Variants in PABIR2 observed in about 807,000 individuals in gnomAD.
PABIR2 encodes PABIR family member 2, also known as family with sequence similarity 122B.
In PABIR2, 7 loss-of-function variants were observed where a neutral mutation model predicts 22.8. That is an observed-to-expected ratio of 0.31 (90% CI 0.17 to 0.58). The LOEUF is 0.58. Among genes scored for constraint, PABIR2 ranks in the 20% least tolerant of loss-of-function variants. The pLI, the probability that PABIR2 is intolerant of heterozygous loss-of-function variation, is 0.89. For missense variants in PABIR2, 155 were observed against 205.1 expected, an observed-to-expected ratio of 0.76 and a Z score of 1.49; for synonymous variants, 67 against 73.8, an observed-to-expected ratio of 0.91 and a Z score of 0.47.
intron 8 of PABIR2, among the ~76,000 whole-genome samples, chrX:134,784,171 A>G (rs1358845828): frequency 9.1e-6 from 1 of 110,197 alleles, no homozygotes; most frequent in Non-Finnish European, 1.9e-5. Flanking sequence ...AGGAATAATG[A>G]ATAAACCTGT....
At chrX:134,790,198 T>C (rs1238889934) in intron 2 of PABIR2, among the ~76,000 whole-genome samples, 1 of 112,350 alleles carries the variant, frequency 8.9e-6, no homozygotes, top group Non-Finnish European at 1.9e-5. Flanking sequence ...AAAAACAATT[T>C]GGAAAGACAA....
At position 134,771,139 on chromosome X, in the gene PABIR2, A is replaced by G. The variant is rs2078831107; in HGVS notation, c.*1000T>C. 1 of 399,767 alleles carries G rather than the reference A, an allele frequency of 2.5e-6. No individual in the cohort carries two copies. The highest frequency in any genetic ancestry group is 2.6e-5 in the African/African-American group (1 of 38,381). 32.9% of individuals were successfully genotyped at this position (399,767 alleles called of 1,213,427 possible). On this transcript the variant is annotated 3_prime_UTR_variant, in exon 10 of 10. Coordinates refer to ENST00000343004, the MANE Select transcript of PABIR2 (RefSeq NM_001387468.1). ...GAAACAGTATGTGGCAATCATTCACATAAGGCCCCTCTTCCACCATACCTT... is the reference window on the plus strand; with the variant it reads ...GAAACAGTATGTGGCAATCATTCACGTAAGGCCCCTCTTCCACCATACCTT...
chrX:134,795,086 A>G (rs979357118), intron 1 of PABIR2, among the ~76,000 whole-genome samples: 4 of 112,309 alleles, frequency 3.6e-5, no homozygotes, highest in African/African-American at 1.3e-4. Flanking sequence ...TATAGTAACC[A>G]AAATAAATGC....
In PABIR2 at chrX:134,771,230, G is replaced by A; in HGVS notation, c.*909C>T. 3 of 1,092,247 alleles carry A rather than the reference G, an allele frequency of 2.7e-6. No homozygotes were observed. Among genetic ancestry groups the A allele is most frequent in the South Asian group, 2.2e-5 (1 of 44,779 alleles). 90.0% of individuals were successfully genotyped at this position (1,092,247 alleles called of 1,213,427 possible). On this transcript the variant is annotated 3_prime_UTR_variant, in exon 10 of 10. Coordinates refer to ENST00000343004, the MANE Select transcript of PABIR2 (RefSeq NM_001387468.1). ...CACCTGAGGCCTCATAATACCACTC[G>A]AGACACTGACAGCTCCATGGACGCT...
chrX:134,792,973 A>T (rs1191280217), intron 2 of PABIR2, among the ~76,000 whole-genome samples: 3 of 112,128 alleles, frequency 2.7e-5, no homozygotes, highest in African/African-American at 9.7e-5. Flanking sequence ...CTAATTTTTT[A>T]AAAACATCTG....
chrX:134,781,082 C>T (rs1340202004), intron 9 of PABIR2, among the ~76,000 whole-genome samples: 1 of 112,518 alleles, frequency 8.9e-6, no homozygotes, highest in Non-Finnish European at 1.9e-5. Context: ...TACCCACAGC[C>T]ACCCAGAGAC....
chrX:134,794,629 T>C (rs1346014848), intron 1 of PABIR2, among the ~76,000 whole-genome samples: 1 of 111,974 alleles, frequency 8.9e-6, no homozygotes, highest in East Asian at 2.8e-4. Flanking sequence ...TAAAGAGAAA[T>C]GTGGATGTGT....
intron 6 of PABIR2, among the ~76,000 whole-genome samples, chrX:134,788,060 TTA>T (rs2079398210): frequency 9.3e-6 from 1 of 107,903 alleles, no homozygotes; most frequent in African/African-American, 3.3e-5. Context: ...AATATACACG[TTA>T]TATATATGTA....
chrX:134,788,644 A>G (rs975322210), intron 6 of PABIR2, 86 bp downstream of exon 6: 62 of 758,142 alleles, frequency 8.2e-5, no homozygotes, highest in African/African-American at 1.3e-4. Context: ...GGCATTGGAT[A>G]CTTTAAAAGT....
intron 2 of PABIR2, 83 bp downstream of exon 2, chrX:134,793,732 T>G (rs1345913866): frequency 9.8e-7 from 1 of 1,016,884 alleles, no homozygotes; most frequent in African/African-American, 1.9e-5. Context: ...CAATTGTGCA[T>G]AGCACATCAT....
chrX:134,794,309 A>G (rs1453884422), intron 1 of PABIR2, among the ~76,000 whole-genome samples: 1 of 111,736 alleles, frequency 8.9e-6, no homozygotes. Context: ...ATTGTTCTAC[A>G]ATATGAGCTG....
chrX:134,792,816 C>T (rs1365091548), intron 2 of PABIR2, among the ~76,000 whole-genome samples: 1 of 111,927 alleles, frequency 8.9e-6, no homozygotes, highest in African/African-American at 3.2e-5. Flanking sequence ...ACGTAAAATA[C>T]TATGCAAGTG....
chrX:134,783,980 G>GAAGA (rs2079228177), intron 8 of PABIR2, among the ~76,000 whole-genome samples: 2 of 107,641 alleles, frequency 1.9e-5, no homozygotes, highest in African/African-American at 6.8e-5. Flanking sequence ...GGCTGAGGCA[G>GAAGA]GAGAATCGCT....
intron 8 of PABIR2, among the ~76,000 whole-genome samples, chrX:134,782,125 C>T (rs2079173383): frequency 8.9e-6 from 1 of 112,261 alleles, no homozygotes; most frequent in Non-Finnish European, 1.9e-5. Flanking sequence ...ACTTCTCACT[C>T]ATTATCCACA....
In PABIR2 at chrX:134,794,437, C is replaced by A. The variant is rs776304443; in HGVS notation, c.99-544G>T. On this transcript the variant is annotated intron_variant, in intron 1 of 9. Coordinates refer to ENST00000343004, the MANE Select transcript of PABIR2 (RefSeq NM_001387468.1). Reference sequence around the variant, plus strand: ...TCTGCCTCAAATGCTCTCCCTCCTGCCAACATCTATTAAAATCCTTCCTGT... The same window carrying A: ...TCTGCCTCAAATGCTCTCCCTCCTGACAACATCTATTAAAATCCTTCCTGT... 8.0e-4 allele frequency among the ~76,000 whole-genome samples: 89 copies of A among 111,237 alleles called. 1 individual carries two copies. Among genetic ancestry groups the A allele is most frequent in the African/African-American group, 2.6e-3 (81 of 30,615 alleles).
rs1179266862 is a variant in PABIR2, at chrX:134,772,105, C to G, written c.*34G>C. ...CCCACTAAACATTTTATGTAGGAAA[C>G]AGCAGTTAAAACGTTGAATCAGAAA... On this transcript the variant is annotated 3_prime_UTR_variant, in exon 10 of 10. Transcript: ENST00000343004. The G allele has an allele frequency of 2.6e-6, 3 of 1,167,146 alleles. No individual in the cohort carries two copies. The highest frequency in any genetic ancestry group is 3.4e-6 in the Non-Finnish European group (3 of 869,712).
chrX:134,794,803 TCTTAATTTTCAAAGAGAGAA>T (rs978686171), intron 1 of PABIR2, among the ~76,000 whole-genome samples: 1 of 111,879 alleles, frequency 8.9e-6, no homozygotes, highest in Non-Finnish European at 1.9e-5. Flanking sequence ...AATTCAGCTC[TCTTAATTTTCAAAGAGAGAA>T]CAGCCTCAGA....
At chrX:134,787,671 A>T in intron 6 of PABIR2, 138 bp from the exon 7 acceptor site, 1 of 546,563 alleles carries the variant, frequency 1.8e-6, no homozygotes. Flanking sequence ...GCTGGAGTGC[A>T]GTGATGCGAT....
intron 8 of PABIR2, among the ~76,000 whole-genome samples, chrX:134,785,052 G>T (rs750218879): frequency 2.2e-4 from 25 of 111,816 alleles, no homozygotes; most frequent in Non-Finnish European, 2.8e-4. Flanking sequence ...TATAAACTAT[G>T]CATCTCTTTC....
Sources: allele counts gnomAD v4.1 joint callset (sites outside exome capture counted in the v4.1 genomes callset), GRCh38; gene constraint gnomAD v4.1.1; transcripts MANE v1.5; gene names NCBI Gene and HGNC (gene_info 2026-07-23, HGNC 2026-07-21).